The following DAB1 variants were observed in gnomAD, a reference collection of about 807,000 sequenced individuals.
DAB1 encodes disabled homolog 1.
A neutral mutation model predicts 64.6 loss-of-function variants in DAB1; 15 were observed. The observed-to-expected ratio is 0.23, with a 90% CI of 0.16 to 0.36. The LOEUF (loss-of-function observed/expected upper bound fraction) is 0.36. Ranked by LOEUF, DAB1 falls within the 10% of genes least tolerant of loss-of-function variation. The pLI, the probability that DAB1 is intolerant of heterozygous loss-of-function variation, is 1.00. For missense variants in DAB1, 596 were observed against 706.7 expected (o/e 0.84, Z 1.78); for synonymous variants, 235 against 251.9 (o/e 0.93, Z 0.64).
At chr1:57,803,405 G>T (rs538485366) in intron 6 of DAB1, among the ~76,000 whole-genome samples, 1 of 152,184 alleles carries the variant, frequency 6.6e-6, no homozygotes, top group Non-Finnish European at 1.5e-5. Context: ...TTTCTCCTAC[G>T]TTCCTTTCCT....
At chr1:57,882,661 A>T (rs796653472) in intron 1 of DAB1, among the ~76,000 whole-genome samples, 8 of 152,310 alleles carry the variant, frequency 5.3e-5, no homozygotes, top group African/African-American at 1.9e-4. Context: ...AATGATGCTT[A>T]CAAAATTACT....
At chr1:58,248,676 T>C (rs1241658751) in intron 4 of DAB1, among the ~76,000 whole-genome samples, 1 of 152,114 alleles carries the variant, frequency 6.6e-6, no homozygotes, top group Non-Finnish European at 1.5e-5. Flanking sequence ...CAAGAAGGAT[T>C]TGGGCAGGGA....
intron 3 of DAB1, among the ~76,000 whole-genome samples, chr1:58,482,766 C>A (rs1037920307): frequency 6.6e-6 from 1 of 152,046 alleles, no homozygotes; most frequent in African/African-American, 2.4e-5. Flanking sequence ...GAGGGAGCTG[C>A]GAGTACAAGG....
chr1:58,178,169 A>G (rs560108120), intron 4 of DAB1, among the ~76,000 whole-genome samples: 4 of 152,214 alleles, frequency 2.6e-5, no homozygotes, highest in Admixed American at 6.5e-5. Context: ...CCTTCTCTCA[A>G]TCTTTTCCAA....
At chr1:58,089,404 C>G (rs1039124239) in intron 5 of DAB1, among the ~76,000 whole-genome samples, 2 of 152,234 alleles carry the variant, frequency 1.3e-5, no homozygotes, top group African/African-American at 4.8e-5. Context: ...ATTACTACTA[C>G]TATTATAGTC....
intron 7 of DAB1, among the ~76,000 whole-genome samples, chr1:57,485,663 C>T (rs1460230862): frequency 2.0e-5 from 3 of 152,136 alleles, no homozygotes; most frequent in Non-Finnish European, 4.4e-5. Flanking sequence ...CTTTAAGCAC[C>T]ATGAGCCTTA....
Position 58,313,548 on chromosome 1 carries a change from T to C in DAB1, n.309+29804A>G, listed in dbSNP as rs376498076. Reference sequence around the variant, plus strand: ...CAGAAGCCAGAGGATAAGACATTCATTTACTCCCAGTGTTTCTTTGCCTCT... The same window carrying C: ...CAGAAGCCAGAGGATAAGACATTCACTTACTCCCAGTGTTTCTTTGCCTCT... On this transcript the variant is annotated intron_variant and non_coding_transcript_variant, in intron 4 of 20. Coordinates refer to the DAB1 transcript ENST00000485760. Among the ~76,000 whole-genome samples, 63 of 152,326 alleles carry C rather than the reference T, an allele frequency of 4.1e-4. No individual in the cohort carries two copies. In the East Asian group the frequency reaches 6.0e-3, roughly 14 times the overall value.
chr1:57,046,402 T>C (rs1211163007), intron 9 of DAB1, among the ~76,000 whole-genome samples: 2 of 152,232 alleles, frequency 1.3e-5, no homozygotes, highest in African/African-American at 2.4e-5. Flanking sequence ...TTATTCCCCA[T>C]GATCATTTAT....
At chr1:58,169,302 G>C (rs541335331) in intron 4 of DAB1, among the ~76,000 whole-genome samples, 1 of 151,880 alleles carries the variant, frequency 6.6e-6, no homozygotes, top group Non-Finnish European at 1.5e-5. Context: ...CTGCTGTGTT[G>C]ATGAGCACAA....
chr1:57,934,063 T>TTGTGTGTGTGTGTGTGTGTGTGTGTG (rs55848780), intron 5 of DAB1, among the ~76,000 whole-genome samples: 4 of 128,050 alleles, frequency 3.1e-5, no homozygotes, highest in African/African-American at 9.1e-5. Context: ...GCCCAGCTAA[T>TTGTGTGTGTGTGTGTGTGTGTGTGTG]TGTGTGTGTG....
chr1:58,185,706 C>G lies in DAB1; in HGVS notation n.310-35118G>C, dbSNP rs143883269. ...TCAGCTGTTCCCCTCACTTCCCCAG[C>G]CAGCAATGTCACCTATGCCTAGATA... On this transcript the variant is annotated intron_variant and non_coding_transcript_variant, in intron 4 of 20. Coordinates refer to the DAB1 transcript ENST00000485760. Among the ~76,000 whole-genome samples, 4 of 152,276 alleles carry G rather than the reference C, an allele frequency of 2.6e-5. No homozygotes were observed. The East Asian group carries it at 7.7e-4, about 29-fold the overall frequency.
At chr1:57,337,271 A>C (rs1490330512) in intron 1 of DAB1, among the ~76,000 whole-genome samples, 1 of 152,240 alleles carries the variant, frequency 6.6e-6, no homozygotes, top group Non-Finnish European at 1.5e-5. Flanking sequence ...TTATGATATT[A>C]TAAAGCTCTC....
At chr1:57,583,936 T>A (rs1645347243) in intron 7 of DAB1, among the ~76,000 whole-genome samples, 1 of 152,220 alleles carries the variant, frequency 6.6e-6, no homozygotes, top group Non-Finnish European at 1.5e-5. Context: ...TTTCTCTAGA[T>A]CTGCTATAGA....
At chr1:58,530,661 G>A (rs765170099) in intron 1 of DAB1, 8 of 872,600 alleles carry the variant, frequency 9.2e-6, no homozygotes, top group African/African-American at 8.2e-5. Context: ...GAGGACAAAT[G>A]GCCCAAATCA....
At chr1:58,125,908 G>C (rs768533945) in intron 5 of DAB1, among the ~76,000 whole-genome samples, 13 of 152,106 alleles carry the variant, frequency 8.5e-5, no homozygotes, top group South Asian at 6.2e-4. Flanking sequence ...CTTTGGGGTG[G>C]AGGGGGTCAG....
intron 2 of DAB1, among the ~76,000 whole-genome samples, chr1:57,284,025 A>G (rs1672119227): frequency 6.6e-6 from 1 of 152,230 alleles, no homozygotes; most frequent in Non-Finnish European, 1.5e-5. Context: ...TGTGTTACTT[A>G]TGTTTATTAA....
intron 12 of DAB1, among the ~76,000 whole-genome samples, chr1:57,012,684 A>G (rs55666624): frequency 0.018 from 2,803 of 152,344 alleles, 74 homozygotes; most frequent in African/African-American, 0.063. Context: ...GTTTCAGGAG[A>G]TGACTATGGA....
At chr1:57,600,649 C>G (rs986583144) in intron 7 of DAB1, among the ~76,000 whole-genome samples, 2 of 152,110 alleles carry the variant, frequency 1.3e-5, no homozygotes, top group Admixed American at 6.5e-5. Flanking sequence ...TCACTGAAAG[C>G]CAGTGCCTTC....
At chr1:57,439,423 T>TTTTGTTTGTTTTTTTTTG (rs1558381316) in intron 7 of DAB1, among the ~76,000 whole-genome samples, 2 of 117,194 alleles carry the variant, frequency 1.7e-5, no homozygotes, top group South Asian at 5.7e-4. Flanking sequence ...ATGAGGTTTT[T>TTTTGTTTGTTTTTTTTTG]TCTTTTTTTT....
Sources: gnomAD v4.1 joint callset for allele counts (sites outside exome capture counted in the v4.1 genomes callset) on GRCh38, gnomAD v4.1.1 for gene constraint, MANE v1.5 for transcripts, NCBI Gene and HGNC (gene_info 2026-07-23, HGNC 2026-07-21) for gene names.